The following FYB1 variants were observed in gnomAD, a reference collection of about 807,000 sequenced individuals.
FYB1 encodes the protein FYN-binding protein 1.
A neutral mutation model predicts 94.1 loss-of-function variants in FYB1; 41 were observed. The ratio of observed to expected loss-of-function variants is 0.44; its 90% CI spans 0.34 to 0.57. FYB1 has a LOEUF of 0.57. Among genes scored for constraint, FYB1 ranks in the 20% least tolerant of loss-of-function variants. The pLI is 0.02. For synonymous variants in FYB1, 367 were observed against 353.2 expected (o/e 1.04, Z -0.44); for missense variants, 1,050 against 976.8 (o/e 1.07, Z -1.00).
At chr5:39,181,771 G>C (rs1335296738) in intron 2 of FYB1, among the ~76,000 whole-genome samples, 1 of 152,068 alleles carries the variant, frequency 6.6e-6, no homozygotes, top group Non-Finnish European at 1.5e-5. Context: ...TTATTTTCTA[G>C]TGTAAGTATC....
At chr5:39,249,608 T>A (rs950975791) in intron 1 of FYB1, among the ~76,000 whole-genome samples, 1 of 151,876 alleles carries the variant, frequency 6.6e-6, no homozygotes, top group Non-Finnish European at 1.5e-5. Context: ...ACTATAATAG[T>A]GAGTCAAAGA....
chr5:39,175,302 T>C (rs1745619842), intron 2 of FYB1, among the ~76,000 whole-genome samples: 1 of 152,160 alleles, frequency 6.6e-6, no homozygotes, highest in Non-Finnish European at 1.5e-5. Context: ...GGGTTAGACA[T>C]CTATCAGACA....
At chr5:39,197,596 G>C (rs73091047) in intron 2 of FYB1, among the ~76,000 whole-genome samples, 10,282 of 152,310 alleles carry the variant, frequency 0.068, 544 homozygotes, top group East Asian at 0.15. Context: ...ACAGGTAATG[G>C]GGAAAGCAAA....
rs1473289487 is a variant in FYB1 at position 39,124,155 on chromosome 5, A to G, written c.2071+98T>C. ...AGGCTACACAATTTATTATTTTCAG[A>G]GTCAAGACTTTAATGCAGATACTAT... On this transcript the variant is annotated intron_variant, in intron 13 of 18. Transcript: ENST00000512982. 5.0e-6 allele frequency: 4 copies of G among 802,278 alleles called. No individual in the cohort carries two copies. In the African/African-American group the frequency reaches 5.6e-5, roughly 11 times the overall value. 49.7% of individuals were successfully genotyped at this position (802,278 alleles called of 1,614,324 possible).
chr5:39,253,560 A>G (rs1335567781), intron 1 of FYB1, among the ~76,000 whole-genome samples: 1 of 152,198 alleles, frequency 6.6e-6, no homozygotes, highest in Non-Finnish European at 1.5e-5. Context: ...TTACACAGGT[A>G]AATGTGTGTT....
chr5:39,241,180 T>A (rs1389005892), intron 1 of FYB1, among the ~76,000 whole-genome samples: 1 of 152,084 alleles, frequency 6.6e-6, no homozygotes, highest in African/African-American at 2.4e-5. Flanking sequence ...GCTTAGAGGA[T>A]AGAGAGGATC....
At chr5:39,259,504 A>G (rs1459152526) in intron 1 of FYB1, among the ~76,000 whole-genome samples, 1 of 152,246 alleles carries the variant, frequency 6.6e-6, no homozygotes, top group African/African-American at 2.4e-5. Flanking sequence ...GAAGGCAGGT[A>G]GAAAGAAAAC....
chr5:39,160,302 G>A (rs543429032), intron 2 of FYB1, among the ~76,000 whole-genome samples: 1 of 152,188 alleles, frequency 6.6e-6, no homozygotes, highest in East Asian at 1.9e-4. Context: ...AATTGATCTG[G>A]CTGTCCCATT....
At chr5:39,136,381 T>G (rs922972614) in intron 7 of FYB1, among the ~76,000 whole-genome samples, 1 of 152,100 alleles carries the variant, frequency 6.6e-6, no homozygotes. Context: ...CGATATAGAT[T>G]TTCATAAATT....
chr5:39,228,781 T>G (rs1258209235), intron 1 of FYB1, among the ~76,000 whole-genome samples: 1 of 152,204 alleles, frequency 6.6e-6, no homozygotes, highest in African/African-American at 2.4e-5. Context: ...ATTTTCTTAC[T>G]CTGAGAGCTA....
chr5:39,222,003 A>AAAAAT (rs1368687171), upstream of FYB1, among the ~76,000 whole-genome samples: 7 of 151,882 alleles, frequency 4.6e-5, no homozygotes, highest in Non-Finnish European at 8.8e-5. Context: ...ACTCTGTCTC[A>AAAAAT]AAAATAAAAT....
chr5:39,220,427 A>AG (rs1750186401), upstream of FYB1, among the ~76,000 whole-genome samples: 1 of 151,736 alleles, frequency 6.6e-6, no homozygotes, highest in Non-Finnish European at 1.5e-5. Flanking sequence ...GAAAAAAAAA[A>AG]AAGAAGAAAG....
At chr5:39,141,055 GTTTAC>G (rs1208648392) in intron 4 of FYB1, 35 bp downstream of exon 4, 2 of 1,424,516 alleles carry the variant, frequency 1.4e-6, no homozygotes, top group Non-Finnish European at 1.9e-6. Context: ...CTGTACCTGA[GTTTAC>G]AAATAAATAA....
intron 3 of FYB1, among the ~76,000 whole-genome samples, chr5:39,150,129 G>A (rs1202860450): frequency 6.6e-6 from 1 of 151,960 alleles, no homozygotes; most frequent in Non-Finnish European, 1.5e-5. Context: ...GGCCCCAGAA[G>A]ACCAGATTAA....
Position 39,138,034 on chromosome 5 carries a change from T to C in FYB1, c.1395-314A>G, listed in dbSNP as rs186664386. The C allele has an allele frequency of 1.1e-4, 38 of 347,508 alleles. No individual in the cohort carries two copies. The East Asian group carries it at 2.7e-3, about 25-fold the overall frequency. 21.5% of individuals were successfully genotyped at this position (347,508 alleles called of 1,614,324 possible). A position where few individuals can be genotyped will look rare whatever the true frequency, so the allele number is the denominator to read the frequency against. ...TAGAATCCATCTCTTTTTCTCTCTT[T>C]CATATGCACACGTGCCTGTGCATTC... On this transcript the variant is annotated intron_variant, in intron 6 of 18. Transcript: ENST00000512982.
chr5:39,179,821 C>A (rs17465405), intron 2 of FYB1, among the ~76,000 whole-genome samples: 25,356 of 152,028 alleles, frequency 0.17, 2,386 homozygotes, highest in Non-Finnish European at 0.21. Context: ...CCTGCACATG[C>A]AAGTCTATTC....
At chr5:39,185,516 T>TAAA (rs150535374) in intron 2 of FYB1, among the ~76,000 whole-genome samples, 3 of 110,706 alleles carry the variant, frequency 2.7e-5, no homozygotes, top group African/African-American at 1.0e-4. Flanking sequence ...GATAACTGAC[T>TAAA]AAAAAAAAAA....
chr5:39,173,011 T>C (rs750998310), intron 2 of FYB1, among the ~76,000 whole-genome samples: 1 of 152,218 alleles, frequency 6.6e-6, no homozygotes, highest in Non-Finnish European at 1.5e-5. Flanking sequence ...TCTACATACT[T>C]TGAGGAGTCT....
chr5:39,244,367 G>T (rs1025895899), intron 1 of FYB1, among the ~76,000 whole-genome samples: 16 of 151,648 alleles, frequency 1.1e-4, no homozygotes, highest in African/African-American at 3.9e-4. Flanking sequence ...GTTGAATTTT[G>T]TCAAAGGCCT....
Sources: allele counts gnomAD v4.1 joint callset (sites outside exome capture counted in the v4.1 genomes callset), GRCh38; gene constraint gnomAD v4.1.1; transcripts MANE v1.5; gene names NCBI Gene and HGNC (gene_info 2026-07-23, HGNC 2026-07-21).